NFATC1: variants seen among roughly 807,000 people sequenced by gnomAD.
NFATC1 encodes nuclear factor of activated T-cells, cytoplasmic 1.
In NFATC1, 22 loss-of-function variants were observed where a neutral mutation model predicts 76.0. The ratio of observed to expected loss-of-function variants is 0.29; its 90% CI spans 0.21 to 0.41. The LOEUF is 0.41. Among genes scored for constraint, NFATC1 ranks in the 10% least tolerant of loss-of-function variants. The probability of loss-of-function intolerance (pLI) is 1.00; values close to 1 mark genes in which losing one functional copy is unlikely to be tolerated. For missense variants in NFATC1, 1,357 were observed against 1,337.7 expected, an observed-to-expected ratio of 1.01 and a Z score of -0.23; for synonymous variants, 704 against 613.1, an observed-to-expected ratio of 1.15 and a Z score of -2.19.
At position 79,439,668 on chromosome 18, in the gene NFATC1, C is replaced by T. The variant is rs914423430; in HGVS notation, c.1386+5930C>T. Among the ~76,000 whole-genome samples, 7 of 152,224 alleles carry T rather than the reference C, an allele frequency of 4.6e-5. No homozygotes were observed. The South Asian group carries it at 8.3e-4, about 18-fold the overall frequency. On this transcript the variant is annotated intron_variant, in intron 3 of 9. Transcript: ENST00000427363. ...CTGGGAGAGCACACATGGTTGCCGTCGGGCTGTGTCTGTTTTCCCAGGAGC... is the reference window on the plus strand; with the variant it reads ...CTGGGAGAGCACACATGGTTGCCGTTGGGCTGTGTCTGTTTTCCCAGGAGC...
At chr18:79,456,885 C>T (rs542543388) in intron 6 of NFATC1, among the ~76,000 whole-genome samples, 14 of 152,316 alleles carry the variant, frequency 9.2e-5, no homozygotes, top group African/African-American at 2.2e-4. Flanking sequence ...CCAGCGTCCG[C>T]GGCACGGGCA....
chr18:79,491,429 C>A (rs980103548), intron 9 of NFATC1, among the ~76,000 whole-genome samples: 1 of 152,196 alleles, frequency 6.6e-6, no homozygotes, highest in African/African-American at 2.4e-5. Context: ...ATAGTTTACA[C>A]AACAGGGAGA....
chr18:79,473,373 C>T (rs994007012), intron 8 of NFATC1, among the ~76,000 whole-genome samples: 16 of 152,386 alleles, frequency 1.0e-4, no homozygotes, highest in African/African-American at 3.4e-4. Flanking sequence ...CGTGTTCTCA[C>T]GCTTACTGTC....
chr18:79,403,680 G>A (rs988650746), intron 1 of NFATC1, among the ~76,000 whole-genome samples: 2 of 152,296 alleles, frequency 1.3e-5, no homozygotes, highest in Non-Finnish European at 2.9e-5. Context: ...GTGTGCCCGG[G>A]TCTGCCACTG....
chr18:79,459,495 C>T (rs763481566), intron 6 of NFATC1, among the ~76,000 whole-genome samples: 3 of 152,178 alleles, frequency 2.0e-5, no homozygotes, highest in Admixed American at 6.5e-5. Flanking sequence ...TCATTAAACG[C>T]GACATCCTGG....
chr18:79,402,845 C>A (rs1173060580), intron 1 of NFATC1, among the ~76,000 whole-genome samples: 1 of 152,246 alleles, frequency 6.6e-6, no homozygotes, highest in Non-Finnish European at 1.5e-5. Context: ...TAAATGATTA[C>A]ATTGACTCTC....
intron 9 of NFATC1, among the ~76,000 whole-genome samples, chr18:79,491,989 C>A (rs532946371): frequency 1.6e-4 from 25 of 152,332 alleles, no homozygotes; most frequent in African/African-American, 5.5e-4. Context: ...CTCCTCACGC[C>A]CAGTGATGCT....
rs2090821236 is a variant in NFATC1 at position 79,528,330 on chromosome 18, G to A, written c.*753G>A. ...CACATCAATAGGTTACTGGACAAAA[G>A]CAGAAAAACCTGTTACAGGATAGCC... On this transcript the variant is annotated 3_prime_UTR_variant, in exon 10 of 10. Coordinates refer to ENST00000427363, the MANE Select transcript of NFATC1 (RefSeq NM_001278669.2). 6.1e-6 allele frequency: 1 copy of A among 164,786 alleles called. No homozygotes were observed. The highest frequency in any genetic ancestry group is 1.3e-5 in the Non-Finnish European group (1 of 76,846). 10.2% of individuals were successfully genotyped at this position (164,786 alleles called of 1,614,324 possible). A position where few individuals can be genotyped will look rare whatever the true frequency, so the allele number is the denominator to read the frequency against.
chr18:79,527,556 C>T lies in NFATC1; in HGVS notation c.2811C>T (p.Ser937=). The change falls in exon 10 of 10, where the codon TCC becomes TCT. Residue 937 remains serine (S), a synonymous_variant. Coordinates refer to ENST00000427363, the MANE Select transcript of NFATC1 (RefSeq NM_001278669.2). ...ATGAAATAATACGAAATGACCTCTCCAGCACGAGCACCCACTCCTAGTTGC... is the reference window on the plus strand; with the variant it reads ...ATGAAATAATACGAAATGACCTCTCTAGCACGAGCACCCACTCCTAGTTGC... ...DVNEIIRNDL[S]STSTHS The T allele has an allele frequency of 3.7e-6, 6 of 1,614,036 alleles. No homozygotes were observed. The highest frequency in any genetic ancestry group is 5.1e-6 in the Non-Finnish European group (6 of 1,179,962).
intron 2 of NFATC1, among the ~76,000 whole-genome samples, chr18:79,414,671 G>T (rs375779042): frequency 3.7e-4 from 56 of 152,288 alleles, no homozygotes; most frequent in African/African-American, 1.3e-3. Flanking sequence ...AGCTTGGGGG[G>T]ACTGGCACAG....
At chr18:79,415,484 A>G (rs548275808) in intron 2 of NFATC1, among the ~76,000 whole-genome samples, 62 of 150,908 alleles carry the variant, frequency 4.1e-4, no homozygotes, top group African/African-American at 1.1e-3. Flanking sequence ...GGGTTTCACC[A>G]TGTTAGCCAG....
chr18:79,418,035 A>G (rs1273449466), intron 2 of NFATC1, among the ~76,000 whole-genome samples: 1 of 152,050 alleles, frequency 6.6e-6, no homozygotes, highest in Admixed American at 6.5e-5. Context: ...CTGCCTACCA[A>G]GTTTCATTGC....
chr18:79,478,201 A>C (rs1600863628), intron 8 of NFATC1, among the ~76,000 whole-genome samples: 1 of 146,292 alleles, frequency 6.8e-6, no homozygotes, highest in African/African-American at 2.5e-5. Context: ...CCAACCACAC[A>C]GGAAGCCAAC....
At chr18:79,504,349 G>A (rs72991952) in intron 9 of NFATC1, among the ~76,000 whole-genome samples, 1 of 152,258 alleles carries the variant, frequency 6.6e-6, no homozygotes, top group Non-Finnish European at 1.5e-5. Context: ...GTTCTTAATT[G>A]GCCTAATGTC....
At position 79,516,466 on chromosome 18, in the gene NFATC1, G is replaced by A. The variant is rs540225936; in HGVS notation, c.2783-11062G>A. ...TAAAGAAGGGTTCTAGAGACGCTGC[G>A]ACCCTGCGTTTTCAGAATGTGGTGG... On this transcript the variant is annotated intron_variant, in intron 9 of 9. Transcript: ENST00000427363. 1.1e-4 allele frequency among the ~76,000 whole-genome samples: 17 copies of A among 152,276 alleles called. No homozygotes were observed. In the South Asian group the frequency reaches 1.7e-3, roughly 15 times the overall value.
At chr18:79,490,460 C>T (rs896373159) in intron 9 of NFATC1, among the ~76,000 whole-genome samples, 5 of 152,168 alleles carry the variant, frequency 3.3e-5, no homozygotes, top group African/African-American at 1.2e-4. Context: ...CTCAGGCTCT[C>T]AGTCATGGTG....
intron 9 of NFATC1, among the ~76,000 whole-genome samples, chr18:79,487,638 C>T (rs2089547159): frequency 6.6e-6 from 1 of 152,218 alleles, no homozygotes; most frequent in Admixed American, 6.5e-5. Context: ...AGCACTCAGG[C>T]CTTTCTGTGA....
At position 79,397,885 on chromosome 18, in the gene NFATC1, G is replaced by A. The variant is rs370295399; in HGVS notation, c.127+1534G>A. On this transcript the variant is annotated intron_variant, in intron 1 of 9. Transcript: ENST00000427363. ...TCGAAAAGGTCCCTGCTGCAAGGCA[G>A]TGCGCCGGGCAGCGACGCCCGACCG... Among the ~76,000 whole-genome samples the A allele has an allele frequency of 4.3e-4, 65 of 152,346 alleles. 2 individuals are homozygous for A. In the South Asian group the frequency reaches 0.013, roughly 31 times the overall value.
Position 79,486,635 on chromosome 18 carries a change from G to A in NFATC1, c.2480G>A (p.Ser827Asn). ...PPPALLPQQV[S>N]APPSSSCPPG... Reference sequence around the variant, plus strand: ...CCGGCCCTGCTGCCACAGCAGGTGAGTGCGCCTCCAAGCAGTAGCTGCCCC... The same window carrying A: ...CCGGCCCTGCTGCCACAGCAGGTGAATGCGCCTCCAAGCAGTAGCTGCCCC... The change falls in exon 9 of 10, where the codon AGT becomes AAT. Residue 827 changes from serine (S) to asparagine (N), a missense_variant. Physicochemically the swap from Ser to Asn is conservative, Grantham distance 46 (BLOSUM62 1). This residue lies in a region of NFATC1 where 424 missense variants were observed against 395.4 expected (regional missense o/e 1.07). Coordinates refer to ENST00000427363, the MANE Select transcript of NFATC1 (RefSeq NM_001278669.2). 1 of 1,602,408 alleles carries A rather than the reference G, an allele frequency of 6.2e-7. No homozygotes were observed. Among genetic ancestry groups the A allele is most frequent in the Non-Finnish European group, 8.5e-7 (1 of 1,177,716 alleles).
Sources: gnomAD v4.1 joint callset for allele counts (sites outside exome capture counted in the v4.1 genomes callset) on GRCh38, gnomAD v4.1.1 for gene constraint, gnomAD v4.1.1 regional missense constraint, MANE v1.5 for transcripts, NCBI Gene and HGNC (gene_info 2026-07-23, HGNC 2026-07-21) for gene names.